Variants in LRGUK observed in about 807,000 individuals in gnomAD.
LRGUK encodes leucine rich repeats and guanylate kinase domain containing.
Under a neutral mutation model 76.0 loss-of-function variants are expected in LRGUK, and 65 were observed. The observed-to-expected ratio is 0.85, with a 90% CI of 0.70 to 1.05. The LOEUF (loss-of-function observed/expected upper bound fraction) is 1.05. Among genes scored for constraint, LRGUK ranks in the 50% least tolerant of loss-of-function variants. LRGUK has a pLI of 0.00. For missense variants in LRGUK, 758 were observed against 732.8 expected (o/e 1.03, Z -0.40); for synonymous variants, 268 against 265.6 (o/e 1.01, Z -0.09).
At chr7:134,195,315 C>T (rs977253350) in intron 12 of LRGUK, among the ~76,000 whole-genome samples, 5 of 152,164 alleles carry the variant, frequency 3.3e-5, no homozygotes, top group Admixed American at 3.3e-4. Context: ...GTCTAGTCCC[C>T]ATGCAAGAAG....
intron 16 of LRGUK, among the ~76,000 whole-genome samples, chr7:134,227,913 T>G (rs985615194): frequency 6.6e-6 from 1 of 152,046 alleles, no homozygotes; most frequent in Non-Finnish European, 1.5e-5. Flanking sequence ...CTAACATATG[T>G]TATTGAATCC....
chr7:134,127,510 A>G lies in LRGUK; in HGVS notation c.143A>G (p.Gln48Arg), dbSNP rs145443851. The G allele has an allele frequency of 4.3e-5, 69 of 1,614,162 alleles. No individual in the cohort carries two copies. Among genetic ancestry groups the G allele is most frequent in the Non-Finnish European group, 5.7e-5 (67 of 1,180,024 alleles). Residue 48 changes from glutamine to arginine, a missense_variant, in exon 1 of 16, where the codon CAG (glutamine) becomes CGG (arginine). By Grantham distance (43) the Gln-to-Arg change is conservative (BLOSUM62 1). Transcript: ENST00000645682. ...CCTTGCTGGTCTTTTCCCATGGGGC[A>G]GAAGACGAAAGGCAGCTCTAACATA...
intron 16 of LRGUK, among the ~76,000 whole-genome samples, chr7:134,237,076 A>T (rs1257436316): frequency 3.0e-5 from 3 of 100,866 alleles, no homozygotes; most frequent in East Asian, 2.8e-4. Context: ...TTTTTTTGAG[A>T]CTGTCTCTTA....
chr7:134,232,342 G>A (rs566030582), intron 16 of LRGUK, among the ~76,000 whole-genome samples: 113 of 151,836 alleles, frequency 7.4e-4, no homozygotes, highest in Middle Eastern at 6.8e-3. Context: ...GCAATGGCAC[G>A]ATCTCGGCTC....
At chr7:134,224,239 G>A (rs1245789349) in intron 16 of LRGUK, among the ~76,000 whole-genome samples, 1 of 152,164 alleles carries the variant, frequency 6.6e-6, no homozygotes, top group Non-Finnish European at 1.5e-5. Flanking sequence ...TTAATCCTTG[G>A]TGATAAGACT....
At chr7:134,190,251 G>A (rs1369857) in intron 11 of LRGUK, among the ~76,000 whole-genome samples, 18,913 of 151,746 alleles carry the variant, frequency 0.12, 1,820 homozygotes, top group East Asian at 0.38. Flanking sequence ...CTGTTGCCTC[G>A]GCTGGAATGC....
At chr7:134,136,515 T>C (rs1797546606) in intron 1 of LRGUK, among the ~76,000 whole-genome samples, 1 of 152,142 alleles carries the variant, frequency 6.6e-6, no homozygotes, top group South Asian at 2.1e-4. Context: ...TTTGGGAGAA[T>C]TGCCCTGGGA....
At chr7:134,143,775 T>G (rs1244877934) in intron 4 of LRGUK, among the ~76,000 whole-genome samples, 1 of 152,222 alleles carries the variant, frequency 6.6e-6, no homozygotes, top group East Asian at 1.9e-4. Flanking sequence ...ATGGAATAGT[T>G]TGCTATGCCC....
chr7:134,241,425 C>T (rs1380690221), intron 16 of LRGUK, among the ~76,000 whole-genome samples: 3 of 152,148 alleles, frequency 2.0e-5, no homozygotes, highest in African/African-American at 7.2e-5. Flanking sequence ...ATAAAACAGA[C>T]TTTAAACCAA....
rs147541667 is a variant in LRGUK, at chr7:134,223,204, C to T, written c.1983+1286C>T. Among the ~76,000 whole-genome samples, 5 of 152,184 alleles carry T rather than the reference C, an allele frequency of 3.3e-5. No homozygotes were observed. The East Asian group carries it at 5.8e-4, about 18-fold the overall frequency. Reference sequence around the variant, plus strand: ...CACTAGCTTGAGCACTACTCTCATGCGCCATCCAGCCCTGACTGTCCTAGG... The same window carrying T: ...CACTAGCTTGAGCACTACTCTCATGTGCCATCCAGCCCTGACTGTCCTAGG... On this transcript the variant is annotated intron_variant, in intron 16 of 19. Transcript: ENST00000285928.
chr7:134,153,264 A>G (rs904043129), intron 5 of LRGUK, among the ~76,000 whole-genome samples: 1 of 152,112 alleles, frequency 6.6e-6, no homozygotes, highest in African/African-American at 2.4e-5. Flanking sequence ...GTAGTAGATT[A>G]TATCTAATAT....
Position 134,246,065 on chromosome 7 carries a change from G to A in LRGUK, c.1984-1491G>A, listed in dbSNP as rs186923766. Among the ~76,000 whole-genome samples the A allele has an allele frequency of 4.8e-4, 73 of 152,310 alleles. 1 individual carries two copies. Among genetic ancestry groups the A allele is most frequent in the Non-Finnish European group, 1.9e-4 (13 of 68,036 alleles). Reference sequence around the variant, plus strand: ...TTGGTAATCAAGTATCCACCAGAGAGTGTGTTCAGTGAGCCCACGTTAGCG... The same window carrying A: ...TTGGTAATCAAGTATCCACCAGAGAATGTGTTCAGTGAGCCCACGTTAGCG... On this transcript the variant is annotated intron_variant, in intron 16 of 19. Transcript: ENST00000285928.
At chr7:134,163,469 A>C in exon 7 of LRGUK, 3 of 1,614,000 alleles carry the variant, frequency 1.9e-6, no homozygotes, top group Non-Finnish European at 2.5e-6. Context: ...TCTGTCCCAC[A>C]ATCAGATAAG....
intron 4 of LRGUK, 68 bp from the exon 5 acceptor site, chr7:134,148,170 G>C: frequency 1.0e-6 from 1 of 1,002,780 alleles, no homozygotes; most frequent in Non-Finnish European, 1.5e-6. Flanking sequence ...TTCTTGCACA[G>C]TTAATTATTG....
At chr7:134,191,744 T>A in exon 12 of LRGUK, 2 of 1,602,672 alleles carry the variant, frequency 1.2e-6, no homozygotes, top group Non-Finnish European at 1.7e-6. Flanking sequence ...GATGAAATGG[T>A]GAACATGGTA....
At chr7:134,203,601 A>G (rs1233046457) in intron 15 of LRGUK, among the ~76,000 whole-genome samples, 1 of 152,168 alleles carries the variant, frequency 6.6e-6, no homozygotes, top group Non-Finnish European at 1.5e-5. Context: ...CTTATAGGAG[A>G]TGAAGTGACC....
At chr7:134,224,661 C>A (rs1235912085) in intron 16 of LRGUK, among the ~76,000 whole-genome samples, 3 of 152,022 alleles carry the variant, frequency 2.0e-5, no homozygotes, top group Non-Finnish European at 4.4e-5. Context: ...GTTCACCTAA[C>A]AAACCTGCAC....
chr7:134,186,022 G>A (rs867092635), intron 11 of LRGUK, among the ~76,000 whole-genome samples: 4 of 152,268 alleles, frequency 2.6e-5, no homozygotes, highest in South Asian at 4.1e-4. Flanking sequence ...GGACAAACTA[G>A]GGCAAAAGGG....
chr7:134,176,877 G>A (rs1160400139), intron 8 of LRGUK, 100 bp from the exon 9 acceptor site: 1 of 667,462 alleles, frequency 1.5e-6, no homozygotes, highest in African/African-American at 1.8e-5. Context: ...GAATGATGAG[G>A]TAGTAGGTGA....
Sources: allele counts gnomAD v4.1 joint callset (sites outside exome capture counted in the v4.1 genomes callset), GRCh38; gene constraint gnomAD v4.1.1; transcripts MANE v1.5; gene names NCBI Gene and HGNC (gene_info 2026-07-23, HGNC 2026-07-21).